The following LPCAT1 variants were observed in gnomAD, a reference collection of about 807,000 sequenced individuals.
LPCAT1 encodes lysophosphatidylcholine acyltransferase 1, also known as 1-acylglycerol-3-phosphate O-acyltransferase.
LPCAT1 carries 23 observed loss-of-function variants against 60.9 expected under a neutral mutation model. That is an observed-to-expected ratio of 0.38 (90% CI 0.27 to 0.53). The LOEUF (loss-of-function observed/expected upper bound fraction) is 0.53. LPCAT1 is among the 20% of genes least tolerant of loss of function. LPCAT1 has a pLI of 0.82. For missense variants in LPCAT1, 622 were observed against 723.6 expected (o/e 0.86, Z 1.61); for synonymous variants, 340 against 301.1 (o/e 1.13, Z -1.34).
At chr5:1,489,211 C>A (rs916439283) in intron 4 of LPCAT1, among the ~76,000 whole-genome samples, 2 of 152,228 alleles carry the variant, frequency 1.3e-5, no homozygotes, top group African/African-American at 4.8e-5. Context: ...CCCAGCCAGA[C>A]CCTGCAAAGC....
chr5:1,495,339 G>C lies in LPCAT1; in HGVS notation c.279-425C>G, dbSNP rs537918969. Among the ~76,000 whole-genome samples, 259 of 151,952 alleles carry C rather than the reference G, an allele frequency of 1.7e-3. 1 individual carries two copies. Among genetic ancestry groups the C allele is most frequent in the African/African-American group, 5.9e-3 (244 of 41,408 alleles). ...AACGCATATCGCAATATGGGGGGGG[G>C]GGCGCTCAGAGCTGAGGGCGGAAGC... On this transcript the variant is annotated intron_variant, in intron 2 of 13. Coordinates refer to ENST00000283415, the MANE Select transcript of LPCAT1 (RefSeq NM_024830.5). This position sits in a 1 kb window ranked among gnomAD's most constrained non-coding sequence, Gnocchi z 4.7.
chr5:1,466,128 G>A (rs1466579650), intron 13 of LPCAT1, among the ~76,000 whole-genome samples: 2 of 152,256 alleles, frequency 1.3e-5, no homozygotes, highest in African/African-American at 2.4e-5. Context: ...TGGATGCAGC[G>A]TAGCTCATTC....
Position 1,483,836 on chromosome 5 carries a change from GCGCACCAGC to G in LPCAT1, c.668-359_668-351del, listed in dbSNP as rs1560967370. On this transcript the variant is annotated intron_variant, in intron 5 of 13. Coordinates refer to ENST00000283415, the MANE Select transcript of LPCAT1 (RefSeq NM_024830.5). The surrounding 1 kb of genome is among the most constrained non-coding windows in gnomAD (Gnocchi z 9.2). ...GAGGGACACTTTCTGCTGTAACATC[GCGCACCAGC>G]TGGAAGGCGTCTGTGGAGGGACACT... Among the ~76,000 whole-genome samples, 70 of 146,854 alleles carry G rather than the reference GCGCACCAGC, an allele frequency of 4.8e-4. 1 individual carries two copies. Among genetic ancestry groups the G allele is most frequent in the Non-Finnish European group, 9.2e-4 (62 of 67,388 alleles).
In LPCAT1 at chr5:1,523,900, C is replaced by A. The variant is rs1471786024; in HGVS notation, c.-56G>T. The A allele has an allele frequency of 1.6e-5, 16 of 1,012,848 alleles. No homozygotes were observed. The highest frequency in any genetic ancestry group is 1.9e-5 in the Non-Finnish European group (16 of 848,994). 62.7% of individuals were successfully genotyped at this position (1,012,848 alleles called of 1,614,324 possible). ...AGCTGCCTGGGGCGCCGAGCGGGGCCGGGGCTAGCTGGGCGCGGGTCTCGG... is the reference window on the plus strand; with the variant it reads ...AGCTGCCTGGGGCGCCGAGCGGGGCAGGGGCTAGCTGGGCGCGGGTCTCGG... On this transcript the variant is annotated 5_prime_UTR_variant, in exon 1 of 14. Coordinates refer to ENST00000283415, the MANE Select transcript of LPCAT1 (RefSeq NM_024830.5). This position sits in a 1 kb window ranked among gnomAD's most constrained non-coding sequence, Gnocchi z 7.1.
rs139370117 is a variant in LPCAT1, at chr5:1,483,537, C to T, written c.668-51G>A. 10,010 of 1,573,118 alleles carry T rather than the reference C, an allele frequency of 6.4e-3. 45 individuals are homozygous for T. The highest frequency in any genetic ancestry group is 8.0e-3 in the Non-Finnish European group (9,215 of 1,145,802). On this transcript the variant is annotated intron_variant, in intron 5 of 13. Transcript: ENST00000283415. The surrounding 1 kb of genome is among the most constrained non-coding windows in gnomAD (Gnocchi z 9.2). ...GCCCATGGCAGCCCACGCAGGACAG[C>T]GTCTGCTGCGTTTCTCATGCTGCCC...
At chr5:1,515,722 C>T (rs945172558) in intron 1 of LPCAT1, among the ~76,000 whole-genome samples, 3 of 151,920 alleles carry the variant, frequency 2.0e-5, no homozygotes, top group African/African-American at 4.8e-5. Flanking sequence ...CTCCACACTA[C>T]GGGCAAATAC....
chr5:1,484,231 C>T (rs558097208), intron 5 of LPCAT1, among the ~76,000 whole-genome samples: 6 of 152,250 alleles, frequency 3.9e-5, no homozygotes, highest in Non-Finnish European at 8.8e-5. Flanking sequence ...GCCGCAGAGG[C>T]TCAGGAACTT....
chr5:1,488,383 C>T lies in LPCAT1; in HGVS notation c.667+8G>A, dbSNP rs996724431. 6.4e-7 allele frequency: 1 copy of T among 1,552,786 alleles called. No homozygotes were observed. The highest frequency in any genetic ancestry group is 1.2e-5 in the South Asian group (1 of 84,788). ...GGAGAAAAATAAACATTTAAGAAAA[C>T]TACATACCAGGTTTGAAGGTAATTA... On this transcript the variant is annotated splice_region_variant and intron_variant, in intron 5 of 13. Coordinates refer to ENST00000283415, the MANE Select transcript of LPCAT1 (RefSeq NM_024830.5).
At position 1,483,803 on chromosome 5, in the gene LPCAT1, C is replaced by T. The variant is rs181422400; in HGVS notation, c.668-317G>A. On this transcript the variant is annotated intron_variant, in intron 5 of 13. Coordinates refer to ENST00000283415, the MANE Select transcript of LPCAT1 (RefSeq NM_024830.5). The surrounding 1 kb of genome is among the most constrained non-coding windows in gnomAD (Gnocchi z 9.2). ...ATAACATTGCGCACGAGCTGGAAGACATCCGTGGAGGGACACTTTCTGCTG... is the reference window on the plus strand; with the variant it reads ...ATAACATTGCGCACGAGCTGGAAGATATCCGTGGAGGGACACTTTCTGCTG... 5.7e-4 allele frequency among the ~76,000 whole-genome samples: 85 copies of T among 149,976 alleles called. 2 individuals are homozygous for T. The East Asian group carries it at 0.017, about 30-fold the overall frequency.
chr5:1,486,378 G>A (rs1266962665), intron 5 of LPCAT1, among the ~76,000 whole-genome samples: 2 of 152,166 alleles, frequency 1.3e-5, no homozygotes, highest in Admixed American at 6.5e-5. Flanking sequence ...GGGCCCAGGA[G>A]GACCCTGCTG....
chr5:1,512,267 A>G (rs1736377952), intron 1 of LPCAT1, among the ~76,000 whole-genome samples: 1 of 152,178 alleles, frequency 6.6e-6, no homozygotes, highest in African/African-American at 2.4e-5. Context: ...CCCATGTCCA[A>G]TCAGGAAGAT....
At position 1,470,889 on chromosome 5, in the gene LPCAT1, C is replaced by G. The variant is rs1435146128; in HGVS notation, c.1215G>C (p.Val405=). The change falls in exon 12 of 14, where the codon GTG becomes GTC. Residue 405 remains valine, a synonymous_variant. Coordinates refer to ENST00000283415, the MANE Select transcript of LPCAT1 (RefSeq NM_024830.5). ...GCCGGCAGACGACAGACAGGGCAAC[C>G]ACACACTCTCGCAGGTCCACCTCGC... ...GSGEVDLREC[V]VALSVVCRPA... 6.2e-7 allele frequency: 1 copy of G among 1,613,464 alleles called. No homozygotes were observed. The highest frequency in any genetic ancestry group is 1.7e-5 in the Admixed American group (1 of 60,010).
chr5:1,523,309 G>A lies in LPCAT1; in HGVS notation c.135+401C>T, dbSNP rs1736730045. Among the ~76,000 whole-genome samples, 1 of 151,944 alleles carries A rather than the reference G, an allele frequency of 6.6e-6. No individual in the cohort carries two copies. Among genetic ancestry groups the A allele is most frequent in the African/African-American group, 2.4e-5 (1 of 41,422 alleles). ...CAAGGCGGGCGGGGCCCGGACCAGG[G>A]ACGAGCGCGGGGACCGGCGATGCGG... On this transcript the variant is annotated intron_variant, in intron 1 of 13. Coordinates refer to ENST00000283415, the MANE Select transcript of LPCAT1 (RefSeq NM_024830.5). This position sits in a 1 kb window ranked among gnomAD's most constrained non-coding sequence, Gnocchi z 7.1.
In LPCAT1 at chr5:1,480,707, TCA is replaced by T. The variant is rs1486408788; in HGVS notation, c.761+233_761+234del. Among the ~76,000 whole-genome samples the T allele has an allele frequency of 2.6e-5, 4 of 152,282 alleles. 1 individual carries two copies. Among genetic ancestry groups the T allele is most frequent in the Non-Finnish European group, 5.9e-5 (4 of 68,026 alleles). On this transcript the variant is annotated intron_variant, in intron 7 of 13. Coordinates refer to ENST00000283415, the MANE Select transcript of LPCAT1 (RefSeq NM_024830.5). This position sits in a 1 kb window ranked among gnomAD's most constrained non-coding sequence, Gnocchi z 6.4. ...CAAACTCGAGAGCCGAATGCAAGAC[TCA>T]CAGTTCCCTTCCTGCTGGTACTGAA...
chr5:1,505,618 T>TG lies in LPCAT1; in HGVS notation c.136-4016dup, dbSNP rs1461376815. ...ACATGGGGTTCGCTGGGCCAGCCAG[T>TG]GGGGGGATGCACTGTGAGACCACGT... is the stretch of plus-strand genomic sequence containing the variant. On this transcript the variant is annotated intron_variant, in intron 1 of 13. Transcript: ENST00000283415. 7.2e-5 allele frequency among the ~76,000 whole-genome samples: 11 copies of TG among 152,346 alleles called. No individual in the cohort carries two copies. The East Asian group carries it at 1.7e-3, about 24-fold the overall frequency.
At chr5:1,467,041 A>C in intron 12 of LPCAT1, 151 bp from the exon 13 acceptor site, 2 of 714,424 alleles carry the variant, frequency 2.8e-6, no homozygotes, top group African/African-American at 1.8e-5. Flanking sequence ...TCGAACTTCC[A>C]TGTGGAGCCA....
rs1579743241 is a variant in LPCAT1 at position 1,463,514 on chromosome 5, C to A, written c.*137G>T. On this transcript the variant is annotated 3_prime_UTR_variant, in exon 14 of 14. Coordinates refer to ENST00000283415, the MANE Select transcript of LPCAT1 (RefSeq NM_024830.5). ...AAAGGAACAAGATACAAACAGCCCC[C>A]GAGGCCCCTGGAACTCGGGCTGAAG... is the stretch of plus-strand genomic sequence containing the variant. 1 of 889,884 alleles carries A rather than the reference C, an allele frequency of 1.1e-6. No homozygotes were observed. 55.1% of individuals were successfully genotyped at this position (889,884 alleles called of 1,614,324 possible).
chr5:1,465,326 C>T (rs1734325785), intron 13 of LPCAT1, among the ~76,000 whole-genome samples: 1 of 134,128 alleles, frequency 7.5e-6, no homozygotes, highest in South Asian at 2.4e-4. Context: ...AAAACAAGCG[C>T]AGGCACACAG....
intron 5 of LPCAT1, among the ~76,000 whole-genome samples, chr5:1,485,967 T>C (rs1473226461): frequency 6.6e-6 from 1 of 152,178 alleles, no homozygotes; most frequent in Non-Finnish European, 1.5e-5. Context: ...CCACGCAGCA[T>C]CCTAGGGCCT....
Sources: gnomAD v4.1 joint callset for allele counts (sites outside exome capture counted in the v4.1 genomes callset) on GRCh38, gnomAD v4.1.1 for gene constraint, Gnocchi (gnomAD v3.1) non-coding constraint, MANE v1.5 for transcripts, NCBI Gene and HGNC (gene_info 2026-07-23, HGNC 2026-07-21) for gene names.